NUMB: variants seen among roughly 807,000 people sequenced by gnomAD.
NUMB encodes protein numb homolog.
A neutral mutation model predicts 59.7 loss-of-function variants in NUMB; 29 were observed. That is an observed-to-expected ratio of 0.49 (90% CI 0.36 to 0.66). The LOEUF (loss-of-function observed/expected upper bound fraction) is 0.66, where lower values mean the gene tolerates loss of function less well. NUMB is among the 30% of genes least tolerant of loss of function. NUMB has a pLI of 0.00. For missense variants in NUMB, 723 were observed against 822.0 expected (o/e 0.88, Z 1.47); for synonymous variants, 288 against 288.2 (o/e 1.00, Z 0.01).
chr14:73,438,311 T>C (rs1898142744), intron 1 of NUMB, among the ~76,000 whole-genome samples: 1 of 152,152 alleles, frequency 6.6e-6, no homozygotes, highest in Non-Finnish European at 1.5e-5. Flanking sequence ...AATATATCCA[T>C]TAGTGGAATA....
intron 1 of NUMB, among the ~76,000 whole-genome samples, chr14:73,436,702 C>T (rs1566796509): frequency 1.3e-5 from 2 of 151,806 alleles, no homozygotes; most frequent in African/African-American, 4.8e-5. Context: ...AACTCTTGGC[C>T]GGGCGCGGTG....
At position 73,284,195 on chromosome 14, in the gene NUMB, C is replaced by T; in HGVS notation, c.835G>A (p.Gly279Ser). The T allele has an allele frequency of 1.2e-6, 2 of 1,614,124 alleles. No homozygotes were observed. The highest frequency in any genetic ancestry group is 1.7e-6 in the Non-Finnish European group (2 of 1,180,036). ...ATCTTCTGGCTAAGAGCAGGAAAAC[C>T]TCGGAAAGAGCCTTGGCGAGCAAGC... ...EQLARQGSFR[G>S]FPALSQKMSP... Residue 279 changes from glycine to serine, a missense_variant, in exon 10 of 13, where the codon GGT (glycine) becomes AGT (serine). By Grantham distance (56) the Gly-to-Ser change is moderately conservative. Transcript: ENST00000555238.
chr14:73,385,187 AG>A (rs1177072719), intron 2 of NUMB, among the ~76,000 whole-genome samples: 1 of 151,620 alleles, frequency 6.6e-6, no homozygotes, highest in Non-Finnish European at 1.5e-5. Flanking sequence ...TTTTAGAGAC[AG>A]GGTCTCACTT....
chr14:73,416,490 C>T (rs572688716), intron 1 of NUMB, among the ~76,000 whole-genome samples: 1 of 152,174 alleles, frequency 6.6e-6, no homozygotes, highest in East Asian at 1.9e-4. Context: ...TTATGCCCAT[C>T]CTTTGACCCA....
At chr14:73,444,996 C>T (rs915661747) in intron 1 of NUMB, among the ~76,000 whole-genome samples, 1 of 151,948 alleles carries the variant, frequency 6.6e-6, no homozygotes, top group Admixed American at 6.6e-5. Flanking sequence ...TACCCAATGC[C>T]AAGGAGATTC....
At chr14:73,401,909 G>C (rs920103954) in intron 2 of NUMB, among the ~76,000 whole-genome samples, 1 of 152,084 alleles carries the variant, frequency 6.6e-6, no homozygotes, top group Admixed American at 6.6e-5. Flanking sequence ...ACCCAGGCTG[G>C]AGAGCAGTGG....
At chr14:73,302,374 CA>C (rs1487411315) in intron 6 of NUMB, among the ~76,000 whole-genome samples, 1 of 149,758 alleles carries the variant, frequency 6.7e-6, no homozygotes, top group Non-Finnish European at 1.5e-5. Flanking sequence ...CTTCCTCTCA[CA>C]AATTCTATAG....
intron 4 of NUMB, among the ~76,000 whole-genome samples, chr14:73,345,905 T>C (rs1392026668): frequency 6.6e-6 from 1 of 151,370 alleles, no homozygotes; most frequent in Non-Finnish European, 1.5e-5. Flanking sequence ...CGAGACTTCA[T>C]CTCAAAAAAA....
chr14:73,276,806 A>C lies in NUMB; in HGVS notation c.1728T>G (p.Phe576Leu). The change falls in exon 13 of 13, where the codon TTT (phenylalanine) becomes TTG (leucine). Residue 576 changes from phenylalanine (F) to leucine (L), a missense_variant. By Grantham distance (22) the Phe-to-Leu change is conservative. This residue lies in a region of NUMB where 406 missense variants were observed against 385.4 expected (regional missense o/e 1.05). Transcript: ENST00000555238. Reference protein sequence around the residue: ...EASSATTSPFFKPPAQHLNGS... With the variant: ...EASSATTSPFLKPPAQHLNGS... ...CGTTGAGGTGCTGAGCAGGAGGCTTAAAGAAGGGACTGGTGGTAGCACTGC... is the reference window on the plus strand; with the variant it reads ...CGTTGAGGTGCTGAGCAGGAGGCTTCAAGAAGGGACTGGTGGTAGCACTGC... 3 of 1,614,168 alleles carry C rather than the reference A, an allele frequency of 1.9e-6. No individual in the cohort carries two copies. The highest frequency in any genetic ancestry group is 2.5e-6 in the Non-Finnish European group (3 of 1,180,012).
rs540613531 is a variant in NUMB, at chr14:73,349,833, C to G, written c.126+5793G>C. ...GGCAGAGCTTGCAGTGAGCCAAGAT[C>G]GCGCCACTGCACTCCAGCCTGGGGG... On this transcript the variant is annotated intron_variant, in intron 4 of 12. Coordinates refer to ENST00000555238, the MANE Select transcript of NUMB (RefSeq NM_001005743.2). Among the ~76,000 whole-genome samples the G allele has an allele frequency of 2.0e-5, 3 of 151,376 alleles. No individual in the cohort carries two copies. In the South Asian group the frequency reaches 6.3e-4, roughly 32 times the overall value.
At chr14:73,416,935 C>T (rs1405089585) in intron 1 of NUMB, among the ~76,000 whole-genome samples, 1 of 151,494 alleles carries the variant, frequency 6.6e-6, no homozygotes, top group Non-Finnish European at 1.5e-5. Flanking sequence ...CCATTGAAAC[C>T]CCAACCCCCA....
chr14:73,416,806 G>C (rs1312135912), intron 1 of NUMB, among the ~76,000 whole-genome samples: 1 of 151,982 alleles, frequency 6.6e-6, no homozygotes, highest in African/African-American at 2.4e-5. Flanking sequence ...AGCAGGCAGG[G>C]AAATACAGGG....
chr14:73,440,225 ATATGGATAT>A (rs1566798199), intron 1 of NUMB, among the ~76,000 whole-genome samples: 1 of 149,250 alleles, frequency 6.7e-6, no homozygotes, highest in African/African-American at 2.5e-5. Context: ...CCATATATAT[ATATGGATAT>A]CCATATATAT....
chr14:73,349,363 G>A (rs937217057), intron 4 of NUMB, among the ~76,000 whole-genome samples: 13 of 152,174 alleles, frequency 8.5e-5, no homozygotes, highest in Admixed American at 3.3e-4. Flanking sequence ...CAAGGTGGGC[G>A]GATCATCTGA....
chr14:73,327,888 C>A (rs981918828), intron 4 of NUMB, among the ~76,000 whole-genome samples: 22 of 152,134 alleles, frequency 1.4e-4, no homozygotes, highest in Non-Finnish European at 2.5e-4. Context: ...CATTTGTAAT[C>A]AACTCCTCCG....
At chr14:73,442,475 T>G (rs1239095947) in intron 1 of NUMB, among the ~76,000 whole-genome samples, 1 of 152,164 alleles carries the variant, frequency 6.6e-6, no homozygotes, top group Non-Finnish European at 1.5e-5. Flanking sequence ...TCATATTGGC[T>G]CTATTTGAAT....
At chr14:73,357,867 C>T (rs761183239) in intron 3 of NUMB, among the ~76,000 whole-genome samples, 16 of 149,782 alleles carry the variant, frequency 1.1e-4, no homozygotes, top group South Asian at 2.1e-4. Flanking sequence ...TTGGCATGCT[C>T]CAAATTATCC....
chr14:73,329,179 TC>T lies in NUMB; in HGVS notation c.127-5976del, dbSNP rs376518477. 2.8e-3 allele frequency among the ~76,000 whole-genome samples: 421 copies of T among 152,326 alleles called. 4 individuals are homozygous for T. The highest frequency in any genetic ancestry group is 9.9e-3 in the African/African-American group (412 of 41,572). ...CCCATGTCTGGCCAATTTTTCATTC[TC>T]TTAACAGTGTCTTTAGCAAAGCAGA... On this transcript the variant is annotated intron_variant, in intron 4 of 12. Transcript: ENST00000555238.
At chr14:73,402,897 C>A (rs1376565119) in intron 2 of NUMB, among the ~76,000 whole-genome samples, 1 of 152,224 alleles carries the variant, frequency 6.6e-6, no homozygotes, top group Non-Finnish European at 1.5e-5. Flanking sequence ...TAATAAAGCA[C>A]CTATGTGCTG....
Sources: gnomAD v4.1 joint callset for allele counts (sites outside exome capture counted in the v4.1 genomes callset) on GRCh38, gnomAD v4.1.1 for gene constraint, gnomAD v4.1.1 regional missense constraint, MANE v1.5 for transcripts, NCBI Gene and HGNC (gene_info 2026-07-23, HGNC 2026-07-21) for gene names.